EFCAB5: variants seen among roughly 807,000 people sequenced by gnomAD.
EFCAB5 encodes the protein EF-hand calcium-binding domain-containing protein 5.
EFCAB5 carries 131 observed loss-of-function variants against 167.9 expected under a neutral mutation model. The observed-to-expected ratio is 0.78, with a 90% CI of 0.68 to 0.90. EFCAB5 has a LOEUF of 0.90. Among genes scored for constraint, EFCAB5 ranks in the 40% least tolerant of loss-of-function variants. EFCAB5 has a pLI of 0.00. For synonymous variants in EFCAB5, 574 were observed against 602.8 expected, an observed-to-expected ratio of 0.95 and a Z score of 0.70; for missense variants, 1,663 against 1,745.2, an observed-to-expected ratio of 0.95 and a Z score of 0.84.
Position 30,055,982 on chromosome 17 carries a change from T to C in EFCAB5, c.2272+17T>C. 6.2e-7 allele frequency: 1 copy of C among 1,613,578 alleles called. No homozygotes were observed. The highest frequency in any genetic ancestry group is 1.1e-5 in the South Asian group (1 of 91,002). On this transcript the variant is annotated intron_variant, in intron 11 of 22. Coordinates refer to ENST00000394835, the MANE Select transcript of EFCAB5 (RefSeq NM_198529.4). ...CATGGTCAGGTAACTCCTCATTTAA[T>C]CCTCCTTTCATTTATACCCTAGAAC...
rs182255656 is a variant in EFCAB5, at chr17:29,971,419, A to C, written c.767+2052A>C. 2.4e-3 allele frequency among the ~76,000 whole-genome samples: 363 copies of C among 152,270 alleles called. 3 individuals are homozygous for C. The highest frequency in any genetic ancestry group is 8.5e-3 in the African/African-American group (354 of 41,556). On this transcript the variant is annotated intron_variant, in intron 4 of 22. Transcript: ENST00000394835. ...ATTAAATAATAATGGTGATATGGGC[A>C]TCCTTGTCTTTTTACAACTTTAGTA...
chr17:30,097,086 C>T (rs1379664250), intron 22 of EFCAB5, among the ~76,000 whole-genome samples: 1 of 143,354 alleles, frequency 7.0e-6, no homozygotes, highest in Non-Finnish European at 1.5e-5. Flanking sequence ...GATGGAGTTT[C>T]GCTCTTGTTG....
intron 4 of EFCAB5, among the ~76,000 whole-genome samples, chr17:29,971,073 C>A (rs1480383168): frequency 5.7e-4 from 80 of 139,472 alleles, no homozygotes; most frequent in Admixed American, 5.6e-4. Context: ...GACCCCATCT[C>A]AAAAAAAAAA....
At chr17:29,960,883 A>C (rs1250634931) in intron 3 of EFCAB5, among the ~76,000 whole-genome samples, 1 of 152,100 alleles carries the variant, frequency 6.6e-6, no homozygotes, top group African/African-American at 2.4e-5. Flanking sequence ...TTTTTAAGAG[A>C]CAGGGTCTTG....
chr17:30,074,624 A>G (rs1257905633), intron 14 of EFCAB5: 1 of 152,160 alleles, frequency 6.6e-6, no homozygotes, highest in Non-Finnish European at 1.5e-5. Context: ...GCACAATCTT[A>G]AGTAAATCTT....
chr17:29,966,865 CT>C (rs2067839390), intron 3 of EFCAB5, among the ~76,000 whole-genome samples: 1 of 151,744 alleles, frequency 6.6e-6, no homozygotes, highest in Non-Finnish European at 1.5e-5. Flanking sequence ...CACTTCCTTA[CT>C]TTCTGGCACT....
rs1431144777 is a variant in EFCAB5 at position 29,942,298 on chromosome 17, A to G, written c.101A>G (p.His34Arg). 1.9e-6 allele frequency: 3 copies of G among 1,587,508 alleles called. No homozygotes were observed. Among genetic ancestry groups the G allele is most frequent in the African/African-American group, 1.3e-5 (1 of 74,444 alleles). The change falls in exon 2 of 23, where the codon CAT (histidine) becomes CGT (arginine). Residue 34 changes from histidine (H) to arginine (R), a missense_variant. Transcript: ENST00000394835. Reference sequence around the variant, plus strand: ...AACTTAACTGAAGTGAAAGAGCTTCATGAGGTAGAGTTGGCATGAATAAAT... The same window carrying G: ...AACTTAACTGAAGTGAAAGAGCTTCGTGAGGTAGAGTTGGCATGAATAAAT... ...KWNLTEVKEL[H>R]ETLQSVPDVP...
chr17:30,055,515 A>C (rs1285012144), intron 10 of EFCAB5, among the ~76,000 whole-genome samples: 1 of 152,232 alleles, frequency 6.6e-6, no homozygotes, highest in Non-Finnish European at 1.5e-5. Context: ...TTTTTCTGTC[A>C]CACCTCAAAC....
At chr17:29,988,535 A>G (rs914710166) in intron 4 of EFCAB5, among the ~76,000 whole-genome samples, 3 of 152,228 alleles carry the variant, frequency 2.0e-5, no homozygotes, top group Non-Finnish European at 4.4e-5. Flanking sequence ...AGCACCTTCA[A>G]TTGGTTTAAA....
Position 30,092,880 on chromosome 17 carries a change from A to T in EFCAB5, c.4265A>T (p.Asp1422Val). Residue 1422 changes from aspartate to valine, a missense_variant, in exon 22 of 23, where the codon GAT becomes GTT. Asp to Val is a radical substitution (Grantham distance 152). Transcript: ENST00000394835. ...TTAGTCAACAATATTTGTGCCTTTG[A>T]TCCAACTGCCAAGCATGTGGAAGTT... is the stretch of plus-strand genomic sequence containing the variant. ...KYLVNNICAFDPTAKHVEVNV... is the reference protein window; with the variant it reads ...KYLVNNICAFVPTAKHVEVNV... The T allele has an allele frequency of 6.2e-7, 1 of 1,612,144 alleles. No individual in the cohort carries two copies.
At chr17:30,063,226 C>T (rs576741924) in intron 14 of EFCAB5, among the ~76,000 whole-genome samples, 1 of 152,264 alleles carries the variant, frequency 6.6e-6, no homozygotes, top group Non-Finnish European at 1.5e-5. Context: ...CTCCCTAAGG[C>T]CCAAACAACA....
At chr17:30,030,070 G>C (rs943662734) in intron 7 of EFCAB5, among the ~76,000 whole-genome samples, 4 of 152,138 alleles carry the variant, frequency 2.6e-5, no homozygotes, top group African/African-American at 9.7e-5. Flanking sequence ...TCTTTCCTTG[G>C]AAAGGTATGA....
chr17:29,998,245 T>C (rs904845851), intron 6 of EFCAB5, among the ~76,000 whole-genome samples: 2 of 152,234 alleles, frequency 1.3e-5, no homozygotes, highest in East Asian at 1.9e-4. Context: ...CAAAAAATCA[T>C]TGAAATAGCT....
intron 7 of EFCAB5, among the ~76,000 whole-genome samples, chr17:30,010,533 T>C (rs1327549890): frequency 2.0e-5 from 3 of 152,266 alleles, no homozygotes; most frequent in Non-Finnish European, 2.9e-5. Flanking sequence ...ATTGTGGTTT[T>C]GATTTGCATT....
intron 18 of EFCAB5, among the ~76,000 whole-genome samples, chr17:30,085,955 C>T (rs749711081): frequency 6.6e-6 from 1 of 152,022 alleles, no homozygotes; most frequent in Non-Finnish European, 1.5e-5. Flanking sequence ...CCCTATGGAT[C>T]CTCTTATCAT....
intron 5 of EFCAB5, among the ~76,000 whole-genome samples, chr17:29,994,128 C>T (rs1190151160): frequency 3.7e-5 from 2 of 53,558 alleles, no homozygotes; most frequent in African/African-American, 1.3e-4. Context: ...ACAACAACAA[C>T]AACAAATATA....
intron 4 of EFCAB5, among the ~76,000 whole-genome samples, chr17:29,980,773 G>A (rs997281261): frequency 1.3e-5 from 2 of 152,020 alleles, no homozygotes; most frequent in Non-Finnish European, 2.9e-5. Flanking sequence ...TATATCTTTG[G>A]TTCAAACACC....
intron 7 of EFCAB5, among the ~76,000 whole-genome samples, chr17:30,012,138 T>C (rs1203850039): frequency 6.6e-6 from 1 of 152,250 alleles, no homozygotes; most frequent in Non-Finnish European, 1.5e-5. Flanking sequence ...AAGACGCCCA[T>C]TGCCAGGCAG....
intron 7 of EFCAB5, among the ~76,000 whole-genome samples, chr17:30,017,899 T>A (rs1307650073): frequency 6.6e-6 from 1 of 152,196 alleles, no homozygotes; most frequent in Non-Finnish European, 1.5e-5. Flanking sequence ...TTTAAATGGA[T>A]CCAAGGCTCA....
Sources: allele counts gnomAD v4.1 joint callset (sites outside exome capture counted in the v4.1 genomes callset), GRCh38; gene constraint gnomAD v4.1.1; transcripts MANE v1.5; gene names NCBI Gene and HGNC (gene_info 2026-07-23, HGNC 2026-07-21).